UBR4: variants seen among roughly 807,000 people sequenced by gnomAD.
UBR4 encodes the protein ubiquitin protein ligase E3 component n-recognin 4, also known as E3 ubiquitin-protein ligase UBR4.
Under a neutral mutation model 575.6 loss-of-function variants are expected in UBR4, and 124 were observed. The observed-to-expected ratio is 0.22, with a 90% CI of 0.19 to 0.25. The LOEUF is 0.25. UBR4 is among the 10% of genes least tolerant of loss of function. UBR4 has a pLI of 1.00. For synonymous variants in UBR4, 2,455 were observed against 2,473.7 expected (o/e 0.99, Z 0.22); for missense variants, 4,818 against 6,478.8 (o/e 0.74, Z 8.80).
At position 19,117,209 on chromosome 1, in the gene UBR4, A is replaced by C; in HGVS notation, c.10823+12T>G. ...AACCTGCTGCCCCTCCCGAGGCCTA[A>C]AAAGCCCGTACTTGTTTTTCAACTC... On this transcript the variant is annotated intron_variant, in intron 73 of 105. Coordinates refer to ENST00000375254, the MANE Select transcript of UBR4 (RefSeq NM_020765.3). This position sits in a 1 kb window ranked among gnomAD's most constrained non-coding sequence, Gnocchi z 4.0. The C allele has an allele frequency of 6.2e-7, 1 of 1,609,586 alleles. No homozygotes were observed. The highest frequency in any genetic ancestry group is 8.5e-7 in the Non-Finnish European group (1 of 1,176,494).
At chr1:19,090,162 T>C (rs1335270759) in intron 97 of UBR4, among the ~76,000 whole-genome samples, 1 of 152,224 alleles carries the variant, frequency 6.6e-6, no homozygotes, top group Non-Finnish European at 1.5e-5. Flanking sequence ...TCTTGATTCA[T>C]TCAGCTTCTT....
intron 17 of UBR4, 51 bp downstream of exon 17, chr1:19,183,760 T>C: frequency 1.3e-6 from 2 of 1,554,794 alleles, no homozygotes; most frequent in Non-Finnish European, 1.8e-6. Context: ...CTGCAGCCTA[T>C]GGAAGCTGGT....
chr1:19,084,450 G>A, intron 102 of UBR4, 54 bp downstream of exon 102: 1 of 1,529,724 alleles, frequency 6.5e-7, no homozygotes, highest in Non-Finnish European at 8.9e-7. Context: ...ATCTCGGGCA[G>A]AGGGATGCAG....
chr1:19,209,690 G>A (rs926230578), intron 1 of UBR4, among the ~76,000 whole-genome samples: 6 of 152,210 alleles, frequency 3.9e-5, no homozygotes, highest in African/African-American at 7.2e-5. Context: ...TATACCGTAC[G>A]GCTCCGCTCC....
At chr1:19,207,380 G>A (rs1406619922) in intron 1 of UBR4, among the ~76,000 whole-genome samples, 2 of 152,352 alleles carry the variant, frequency 1.3e-5, no homozygotes, top group African/African-American at 4.8e-5. Context: ...TGTAATCCCA[G>A]CACTTTGGAA....
chr1:19,104,276 G>A lies in UBR4; in HGVS notation c.12728-19C>T, dbSNP rs1161254675. 1.9e-6 allele frequency: 3 copies of A among 1,612,530 alleles called. No homozygotes were observed. Among genetic ancestry groups the A allele is most frequent in the East Asian group, 2.2e-5 (1 of 44,844 alleles). ...AGAAGGCCTGTGGAGACAGGAAAAT[G>A]TTGCTGTGAGAGCTCTGGATGAAAA... On this transcript the variant is annotated intron_variant, in intron 86 of 105. Transcript: ENST00000375254.
In UBR4 at chr1:19,141,767, A is replaced by T; in HGVS notation, c.8190T>A (p.Asp2730Glu). Reference sequence around the variant, plus strand: ...CATCTGCATCATCATCGTCATCATCATCCTTGTCTCCTGAGTCAAAGAAAC... The same window carrying T: ...CATCTGCATCATCATCGTCATCATCTTCCTTGTCTCCTGAGTCAAAGAAAC... Reference protein sequence around the residue: ...PRSNTPMGDKDDDDDDDADEK... With the variant: ...PRSNTPMGDKEDDDDDDADEK... The change falls in exon 56 of 106, where the codon GAT (aspartate) becomes GAA (glutamate). Residue 2730 changes from aspartate to glutamate, a missense_variant. Around this residue, in one of 29 missense-constraint regions of UBR4, gnomAD observed 129 missense variants for 198.4 expected, o/e 0.65. Coordinates refer to ENST00000375254, the MANE Select transcript of UBR4 (RefSeq NM_020765.3). 4 of 1,614,084 alleles carry T rather than the reference A, an allele frequency of 2.5e-6. No homozygotes were observed. The highest frequency in any genetic ancestry group is 3.4e-6 in the Non-Finnish European group (4 of 1,179,998).
chr1:19,182,804 AAAAG>A (rs1350710069), intron 17 of UBR4, among the ~76,000 whole-genome samples: 1 of 152,238 alleles, frequency 6.6e-6, no homozygotes, highest in Non-Finnish European at 1.5e-5. Flanking sequence ...ACTACATGAA[AAAAG>A]AGAGAGCTTG....
chr1:19,110,815 G>A lies in UBR4; in HGVS notation c.11819C>T (p.Thr3940Ile), dbSNP rs182556005. Residue 3940 changes from threonine (T) to isoleucine (I), a missense_variant, in exon 79 of 106, where the codon ACC (threonine) becomes ATC (isoleucine). By Grantham distance (89) the Thr-to-Ile change is moderately conservative. This residue lies in a region of UBR4 where 333 missense variants were observed against 459.2 expected (regional missense o/e 0.73). Coordinates refer to ENST00000375254, the MANE Select transcript of UBR4 (RefSeq NM_020765.3). The surrounding 1 kb of genome is among the most constrained non-coding windows in gnomAD (Gnocchi z 4.5). ...CLLTRDNPEATQQMNDLIIGK... is the reference protein window; with the variant it reads ...CLLTRDNPEAIQQMNDLIIGK... ...AATAATCAGGTCATTCATCTGTTGGGTGGCTTCTGGGTTGTCTCTGCAGAA... is the reference window on the plus strand; with the variant it reads ...AATAATCAGGTCATTCATCTGTTGGATGGCTTCTGGGTTGTCTCTGCAGAA... The A allele has an allele frequency of 1.2e-6, 2 of 1,614,038 alleles. No individual in the cohort carries two copies. Among genetic ancestry groups the A allele is most frequent in the Non-Finnish European group, 1.7e-6 (2 of 1,180,030 alleles).
rs1005326500 is a variant in UBR4, at chr1:19,110,716, C to T, written c.11892+26G>A. Reference sequence around the variant, plus strand: ...GCATGTGAGGGGAAGTCAGAGAGGACAGCTGGGCCTGCTAGGCCGGCTCAC... The same window carrying T: ...GCATGTGAGGGGAAGTCAGAGAGGATAGCTGGGCCTGCTAGGCCGGCTCAC... On this transcript the variant is annotated intron_variant, in intron 79 of 105. Transcript: ENST00000375254. This position sits in a 1 kb window ranked among gnomAD's most constrained non-coding sequence, Gnocchi z 4.5. The T allele has an allele frequency of 7.4e-6, 12 of 1,611,764 alleles. No homozygotes were observed. In the Admixed American group the frequency reaches 1.5e-4, roughly 20 times the overall value.
chr1:19,116,142 A>G (rs2080502054), intron 73 of UBR4, among the ~76,000 whole-genome samples: 1 of 152,376 alleles, frequency 6.6e-6, no homozygotes, highest in East Asian at 1.9e-4. Flanking sequence ...ATATTTACTG[A>G]GTACTTACTA....
chr1:19,168,977 C>CAAAA (rs35946919), intron 27 of UBR4, among the ~76,000 whole-genome samples: 2 of 117,204 alleles, frequency 1.7e-5, no homozygotes, highest in East Asian at 2.4e-4. Flanking sequence ...GACTCCGTCT[C>CAAAA]AAAAAAAAAA....
chr1:19,208,873 C>A (rs1571903785), intron 1 of UBR4, among the ~76,000 whole-genome samples: 1 of 152,134 alleles, frequency 6.6e-6, no homozygotes, highest in East Asian at 1.9e-4. Context: ...TACTGCCAAT[C>A]CAAATGTTTA....
chr1:19,137,549 ATATATTTGCTATGTCT>A (rs2083334916), intron 60 of UBR4, among the ~76,000 whole-genome samples: 1 of 152,182 alleles, frequency 6.6e-6, no homozygotes, highest in South Asian at 2.1e-4. Context: ...AGCCATATGC[ATATATTTGCTATGTCT>A]TATTTCTCCT....
At chr1:19,078,174 C>A in intron 103 of UBR4, 108 bp from the exon 104 acceptor site, 1 of 1,135,460 alleles carries the variant, frequency 8.8e-7, no homozygotes, top group South Asian at 1.4e-5. Context: ...GTGTATGCAT[C>A]TCGGAGTTCC....
At chr1:19,184,210 G>A (rs760282177) in intron 15 of UBR4, 35 bp from the exon 16 acceptor site, 3 of 1,600,846 alleles carry the variant, frequency 1.9e-6, no homozygotes, top group Non-Finnish European at 2.6e-6. Flanking sequence ...CTCTTATCAG[G>A]GTCATAAGCC....
chr1:19,134,463 T>C (rs2082959354), intron 60 of UBR4, among the ~76,000 whole-genome samples: 1 of 152,090 alleles, frequency 6.6e-6, no homozygotes, highest in Admixed American at 6.6e-5. Context: ...CTAAGAAAGA[T>C]TATCAGATAC....
At chr1:19,142,781 T>G (rs1197358182) in intron 55 of UBR4, among the ~76,000 whole-genome samples, 1 of 152,244 alleles carries the variant, frequency 6.6e-6, no homozygotes, top group Non-Finnish European at 1.5e-5. Flanking sequence ...ATTAAATAAT[T>G]AGTAAATCAA....
chr1:19,206,855 CAG>C lies in UBR4; in HGVS notation c.176+3216_176+3217del, dbSNP rs574026646. On this transcript the variant is annotated intron_variant, in intron 1 of 105. Coordinates refer to ENST00000375254, the MANE Select transcript of UBR4 (RefSeq NM_020765.3). ...TGGTTGCAAAGTCAAACTTAAGAAA[CAG>C]GGGTTAGACCTAGGAACGTTTAATC... Among the ~76,000 whole-genome samples the C allele has an allele frequency of 1.3e-3, 194 of 152,240 alleles. 1 individual carries two copies. Among genetic ancestry groups the C allele is most frequent in the African/African-American group, 4.5e-3 (187 of 41,526 alleles).
Sources: gnomAD v4.1 joint callset for allele counts (sites outside exome capture counted in the v4.1 genomes callset) on GRCh38, gnomAD v4.1.1 for gene constraint, gnomAD v4.1.1 regional missense constraint, Gnocchi (gnomAD v3.1) non-coding constraint, MANE v1.5 for transcripts, NCBI Gene and HGNC (gene_info 2026-07-23, HGNC 2026-07-21) for gene names.